The following PCNX3 variants were observed in gnomAD, a reference collection of about 807,000 sequenced individuals.
The protein encoded by PCNX3 is pecanex-like protein 3.
PCNX3 carries 58 observed loss-of-function variants against 207.2 expected under a neutral mutation model. The observed-to-expected ratio is 0.28, with a 90% CI of 0.23 to 0.35. The LOEUF is 0.35. Ranked by LOEUF, PCNX3 falls within the 10% of genes least tolerant of loss-of-function variation. The probability of loss-of-function intolerance (pLI) is 1.00; values close to 1 mark genes in which losing one functional copy is unlikely to be tolerated. For missense variants in PCNX3, 2,410 were observed against 2,774.4 expected (o/e 0.87, Z 2.95); for synonymous variants, 1,337 against 1,183.5 (o/e 1.13, Z -2.66).
rs1026818093 is a variant in PCNX3 at position 65,619,508 on chromosome 11, C to T, written c.1706-29C>T. 7.5e-6 allele frequency: 12 copies of T among 1,607,368 alleles called. No homozygotes were observed. The African/African-American group carries it at 8.0e-5, about 11-fold the overall frequency. ...CCCAGCCTTGTCTGAGCATCTGTCA[C>T]TTACACTTGGGGGCCTCTCTCTGGG... is the stretch of plus-strand genomic sequence containing the variant. On this transcript the variant is annotated intron_variant, in intron 6 of 34. Coordinates refer to ENST00000355703, the MANE Select transcript of PCNX3 (RefSeq NM_032223.4).
chr11:65,617,866 A>G, intron 5 of PCNX3, 74 bp from the exon 6 acceptor site: 4 of 1,479,330 alleles, frequency 2.7e-6, no homozygotes, highest in Non-Finnish European at 2.7e-6. Flanking sequence ...TACAGGGCAT[A>G]AGACCTCCCT....
At position 65,618,505 on chromosome 11, in the gene PCNX3, G is replaced by T. The variant is rs1854880044; in HGVS notation, c.1143G>T (p.Val381=). ...GCCTGGCTGAGCCGCTCCTGGTCGT[G>T]CGGCCCAAGGACTTGGCCCTGCTAC... The part of the protein sequence containing the change: ...PPGLAEPLLV[V]RPKDLALLRP... The change falls in exon 6 of 35, where the codon GTG becomes GTT. Residue 381 remains valine (V), a synonymous_variant. Coordinates refer to ENST00000355703, the MANE Select transcript of PCNX3 (RefSeq NM_032223.4). The T allele has an allele frequency of 6.2e-7, 1 of 1,610,738 alleles. No homozygotes were observed. Among genetic ancestry groups the T allele is most frequent in the Non-Finnish European group, 8.5e-7 (1 of 1,179,024 alleles).
rs758166292 is a variant in PCNX3, at chr11:65,616,880, C to T, written c.210C>T (p.Ile70=). 9 of 1,613,566 alleles carry T rather than the reference C, an allele frequency of 5.6e-6. No homozygotes were observed. Among genetic ancestry groups the T allele is most frequent in the Non-Finnish European group, 7.6e-6 (9 of 1,179,864 alleles). Residue 70 remains isoleucine (I), a synonymous_variant, in exon 2 of 35, where the codon ATC becomes ATT. Coordinates refer to ENST00000355703, the MANE Select transcript of PCNX3 (RefSeq NM_032223.4). ...AGVYCLVVAV[I]FATIKTVNYR... is the part of the protein sequence containing the mutation. ...TGTACTGCCTCGTGGTGGCTGTCAT[C>T]TTTGCTACTATCAAGACTGTCAATT...
rs1180955238 is a variant in PCNX3, at chr11:65,624,861, C to G, written c.2828-64C>G. The G allele has an allele frequency of 2.7e-6, 4 of 1,481,666 alleles. No individual in the cohort carries two copies. In the South Asian group the frequency reaches 4.7e-5, roughly 17 times the overall value. 91.8% of individuals were successfully genotyped at this position (1,481,666 alleles called of 1,614,324 possible). ...AGCCTCTGGGAGTTGAGGGGAAGCG[C>G]GGCTAGGGTTGAGGTGGGGTACCTG... On this transcript the variant is annotated intron_variant, in intron 15 of 34. Coordinates refer to ENST00000355703, the MANE Select transcript of PCNX3 (RefSeq NM_032223.4).
rs766050073 is a variant in PCNX3 at position 65,616,452 on chromosome 11, C to T, written c.141C>T (p.Phe47=). The part of the protein sequence containing the change: ...YVWIFLLIFP[F]LLYMVLPPSL... ...GGATCTTCCTGCTCATCTTTCCCTT[C>T]TTACTGTACATGGTGAGACGCCACG... The change falls in exon 1 of 35, where the codon TTC becomes TTT. Residue 47 remains phenylalanine (F), a synonymous_variant. Transcript: ENST00000355703. The T allele has an allele frequency of 1.2e-5, 19 of 1,607,682 alleles. 1 individual carries two copies. The highest frequency in any genetic ancestry group is 6.6e-5 in the South Asian group (6 of 90,802).
chr11:65,622,383 C>T lies in PCNX3; in HGVS notation c.2357+17C>T. 6.3e-7 allele frequency: 1 copy of T among 1,585,802 alleles called. No individual in the cohort carries two copies. The highest frequency in any genetic ancestry group is 8.6e-7 in the Non-Finnish European group (1 of 1,169,016). ...GCTGGACCGGTGAGTGTCCCGCAGC[C>T]TTGGCCCCCAATTCTTGGAAAGCCC... On this transcript the variant is annotated intron_variant, in intron 11 of 34. Coordinates refer to ENST00000355703, the MANE Select transcript of PCNX3 (RefSeq NM_032223.4).
rs1213393687 is a variant in PCNX3 at position 65,626,897 on chromosome 11, C to T, written c.3380-7C>T. On this transcript the variant is annotated splice_region_variant and splice_polypyrimidine_tract_variant and intron_variant, in intron 20 of 34. Coordinates refer to ENST00000355703, the MANE Select transcript of PCNX3 (RefSeq NM_032223.4). ...GCCAGGTGCAGAGTCCTGGCCTCTC[C>T]ACACAGGTGCCGCCCAGGTGATGTG... 8 of 1,581,966 alleles carry T rather than the reference C, an allele frequency of 5.1e-6. No individual in the cohort carries two copies. In the South Asian group the frequency reaches 5.8e-5, roughly 11 times the overall value.
chr11:65,629,063 A>T, intron 24 of PCNX3, 115 bp downstream of exon 24: 1 of 1,422,708 alleles, frequency 7.0e-7, no homozygotes, highest in Non-Finnish European at 9.4e-7. Flanking sequence ...GGGCTTGGTC[A>T]CAGTGGGGAC....
chr11:65,636,532 C>A lies in PCNX3; in HGVS notation c.5735C>A (p.Pro1912His). Reference sequence around the variant, plus strand: ...GGACCACCCCCTGCATCGCCTATCCCCACAGAGGGTCCCCGGACCTCACGG... The same window carrying A: ...GGACCACCCCCTGCATCGCCTATCCACACAGAGGGTCCCCGGACCTCACGG... Reference protein sequence around the residue: ...LPGPPPASPIPTEGPRTSRPP... With the variant: ...LPGPPPASPIHTEGPRTSRPP... The change falls in exon 34 of 35, where the codon CCC becomes CAC. Residue 1912 changes from proline (P) to histidine (H), a missense_variant. Physicochemically the swap from Pro to His is moderately conservative, Grantham distance 77. Transcript: ENST00000355703. 6.3e-7 allele frequency: 1 copy of A among 1,591,732 alleles called. No individual in the cohort carries two copies. The highest frequency in any genetic ancestry group is 2.2e-5 in the East Asian group (1 of 44,552).
In PCNX3 at chr11:65,635,514, G is replaced by T; in HGVS notation, c.5185-15G>T. 1 of 1,608,868 alleles carries T rather than the reference G, an allele frequency of 6.2e-7. No homozygotes were observed. The highest frequency in any genetic ancestry group is 8.5e-7 in the Non-Finnish European group (1 of 1,178,680). The stretch of plus-strand genomic sequence containing the variant: ...CCCTTGGGCCGGCCCCCTGACCCTG[G>T]CGTGTGGCTCTCAGGTGAACCGGGA... On this transcript the variant is annotated splice_polypyrimidine_tract_variant and intron_variant, in intron 31 of 34. Coordinates refer to ENST00000355703, the MANE Select transcript of PCNX3 (RefSeq NM_032223.4). The surrounding 1 kb of genome is among the most constrained non-coding windows in gnomAD (Gnocchi z 9.9).
Position 65,616,185 on chromosome 11 carries a change from C to T in PCNX3, c.-127C>T. On this transcript the variant is annotated 5_prime_UTR_variant, in exon 1 of 35. Coordinates refer to ENST00000355703, the MANE Select transcript of PCNX3 (RefSeq NM_032223.4). ...CGCGCGGCCGAGCCCCCCTCCCCCGCTGGGGGAGGCCATGGCGTGAGCGTG... is the reference window on the plus strand; with the variant it reads ...CGCGCGGCCGAGCCCCCCTCCCCCGTTGGGGGAGGCCATGGCGTGAGCGTG... 5 of 694,450 alleles carry T rather than the reference C, an allele frequency of 7.2e-6. No individual in the cohort carries two copies. The highest frequency in any genetic ancestry group is 1.0e-5 in the Non-Finnish European group (5 of 485,452). The allele number at this position is 694,450 out of a possible 1,614,324, so 43.0% of individuals were successfully genotyped here.
intron 1 of PCNX3, 22 bp from the exon 2 acceptor site, chr11:65,616,802 C>T (rs1854756824): frequency 1.9e-6 from 3 of 1,600,414 alleles, no homozygotes; most frequent in South Asian, 1.1e-5. Flanking sequence ...TGAAAAGGGA[C>T]CTGGCTTACT....
intron 2 of PCNX3, 22 bp from the exon 3 acceptor site, chr11:65,617,228 T>C (rs756941546): frequency 3.2e-6 from 5 of 1,581,970 alleles, no homozygotes; most frequent in Non-Finnish European, 3.4e-6. Flanking sequence ...AGCTCAAAGC[T>C]GCTGCTCTTT....
rs1375587548 is a variant in PCNX3 at position 65,636,918 on chromosome 11, T to G, written c.6045T>G (p.Pro2015=). The change falls in exon 35 of 35, where the codon CCT becomes CCG. Residue 2015 remains proline (P), a synonymous_variant. Coordinates refer to ENST00000355703, the MANE Select transcript of PCNX3 (RefSeq NM_032223.4). ...GTPMGALGDW[P]APIEERESPA... is the part of the protein sequence containing the mutation. The stretch of plus-strand genomic sequence containing the variant: ...CTATGGGTGCCCTGGGCGACTGGCC[T>G]GCCCCTATTGAGGAGCGTGAGAGCC... The G allele has an allele frequency of 4.5e-6, 7 of 1,561,268 alleles. No individual in the cohort carries two copies. Among genetic ancestry groups the G allele is most frequent in the Non-Finnish European group, 6.1e-6 (7 of 1,153,040 alleles).
Position 65,620,383 on chromosome 11 carries a change from G to A in PCNX3, c.2053G>A (p.Glu685Lys), listed in dbSNP as rs1490655427. ...YTFGLAGGGY[E>K]NPVGQQGEQT... ...CTTTGGCCTGGCTGGAGGCGGCTAC[G>A]AGAACCCTGTAGGGCAGCAAGGGGA... The change falls in exon 9 of 35, where the codon GAG becomes AAG. Residue 685 changes from glutamate (E) to lysine (K), a missense_variant. Coordinates refer to ENST00000355703, the MANE Select transcript of PCNX3 (RefSeq NM_032223.4). The A allele has an allele frequency of 1.2e-6, 2 of 1,613,328 alleles. No individual in the cohort carries two copies. Among genetic ancestry groups the A allele is most frequent in the African/African-American group, 2.7e-5 (2 of 74,896 alleles).
intron 22 of PCNX3, among the ~76,000 whole-genome samples, chr11:65,627,799 A>G (rs563071804): frequency 1.3e-5 from 2 of 152,106 alleles, no homozygotes; most frequent in African/African-American, 2.4e-5. Flanking sequence ...AGGCTTCCAG[A>G]GAATTGGTGG....
At chr11:65,626,669 T>A (rs997018960) in intron 20 of PCNX3, 42 of 583,926 alleles carry the variant, frequency 7.2e-5, no homozygotes, top group Non-Finnish European at 8.1e-5. Context: ...GGCCTTGTTT[T>A]AACAGACAGC....
At chr11:65,633,580 C>T (rs763863022) in intron 27 of PCNX3, among the ~76,000 whole-genome samples, 35 of 152,202 alleles carry the variant, frequency 2.3e-4, no homozygotes, top group Non-Finnish European at 4.4e-4. Flanking sequence ...CTCCCGCGCT[C>T]GGGGTTATGT....
intron 22 of PCNX3, 106 bp from the exon 23 acceptor site, chr11:65,628,489 G>A (rs1855491660): frequency 9.1e-7 from 1 of 1,103,796 alleles, no homozygotes; most frequent in Non-Finnish European, 1.3e-6. Flanking sequence ...GGCCCCCGTG[G>A]GCCAAGCCAG....
Sources: allele counts gnomAD v4.1 joint callset (sites outside exome capture counted in the v4.1 genomes callset), GRCh38; gene constraint gnomAD v4.1.1; non-coding constraint Gnocchi (gnomAD v3.1); transcripts MANE v1.5; gene names NCBI Gene and HGNC (gene_info 2026-07-23, HGNC 2026-07-21).